BMP3: variants seen among roughly 807,000 people sequenced by gnomAD.
BMP3 encodes the protein bone morphogenetic protein 3 (osteogenic).
A neutral mutation model predicts 38.1 loss-of-function variants in BMP3; 23 were observed. The ratio of observed to expected loss-of-function variants is 0.60; its 90% CI spans 0.43 to 0.86. The LOEUF (loss-of-function observed/expected upper bound fraction) is 0.86, where lower values mean the gene tolerates loss of function less well. Among genes scored for constraint, BMP3 ranks in the 40% least tolerant of loss-of-function variants. The probability of loss-of-function intolerance (pLI) is 0.00; values close to 1 mark genes in which losing one functional copy is unlikely to be tolerated. For synonymous variants in BMP3, 258 were observed against 225.7 expected (o/e 1.14, Z -1.28); for missense variants, 628 against 579.6 (o/e 1.08, Z -0.86).
intron 1 of BMP3, among the ~76,000 whole-genome samples, chr4:81,033,054 T>G (rs1739821418): frequency 6.6e-6 from 1 of 152,164 alleles, no homozygotes. Context: ...GAGTAACTCA[T>G]GTGGGAGTTG....
At chr4:81,045,250 A>G (rs966037936) in intron 1 of BMP3, among the ~76,000 whole-genome samples, 1 of 152,088 alleles carries the variant, frequency 6.6e-6, no homozygotes, top group Admixed American at 6.5e-5. Flanking sequence ...GGCCATTTAT[A>G]TATCTTCTTT....
At chr4:81,031,733 C>A in intron 1 of BMP3, 133 bp downstream of exon 1, 1 of 1,098,320 alleles carries the variant, frequency 9.1e-7, no homozygotes, top group Non-Finnish European at 1.3e-6. Flanking sequence ...CTCAGCTGCC[C>A]TCTGGATTCC....
intron 2 of BMP3, among the ~76,000 whole-genome samples, chr4:81,050,389 A>G (rs1317942434): frequency 6.6e-6 from 1 of 152,204 alleles, no homozygotes; most frequent in Non-Finnish European, 1.5e-5. Flanking sequence ...AAAAATACCC[A>G]TACAGTTAAT....
Position 81,031,263 on chromosome 4 carries a change from C to A in BMP3, c.-22C>A. ...GTCCCGCAGCGACGCCGGGAGCCGA[C>A]GCGCCGCGCGGGTACCTAGCCATGG... On this transcript the variant is annotated 5_prime_UTR_variant, in exon 1 of 3. Coordinates refer to ENST00000282701, the MANE Select transcript of BMP3 (RefSeq NM_001201.5). The A allele has an allele frequency of 1.3e-6, 2 of 1,562,526 alleles. No homozygotes were observed. Among genetic ancestry groups the A allele is most frequent in the South Asian group, 2.4e-5 (2 of 82,456 alleles).
chr4:81,049,963 CAA>C (rs911959750), intron 2 of BMP3, among the ~76,000 whole-genome samples: 4 of 152,180 alleles, frequency 2.6e-5, no homozygotes, highest in African/African-American at 7.2e-5. Context: ...CCTCCTGAGC[CAA>C]AGAGTGTTCT....
chr4:81,046,700 G>C (rs763810901), intron 2 of BMP3, 52 bp downstream of exon 2: 1 of 1,533,766 alleles, frequency 6.5e-7, no homozygotes, highest in Non-Finnish European at 8.8e-7. Flanking sequence ...TTAGTAGAAA[G>C]ACACATTGAC....
rs1017463616 is a variant in BMP3, at chr4:81,046,379, C to T, written c.958C>T (p.Pro320Ser). Reference protein sequence around the residue: ...KKDEVWEERKPYKTLQAQAPE... With the variant: ...KKDEVWEERKSYKTLQAQAPE... ...GGATGAGGTGTGGGAGGAGAGAAAGCCTTACAAGACCCTTCAGGCTCAGGC... is the reference window on the plus strand; with the variant it reads ...GGATGAGGTGTGGGAGGAGAGAAAGTCTTACAAGACCCTTCAGGCTCAGGC... Residue 320 changes from proline (P) to serine (S), a missense_variant, in exon 2 of 3, where the codon CCT (proline) becomes TCT (serine). Coordinates refer to ENST00000282701, the MANE Select transcript of BMP3 (RefSeq NM_001201.5). 6 of 1,613,802 alleles carry T rather than the reference C, an allele frequency of 3.7e-6. No individual in the cohort carries two copies. In the Admixed American group the frequency reaches 5.0e-5, roughly 13 times the overall value.
intron 1 of BMP3, 90 bp downstream of exon 1, chr4:81,031,690 G>T: frequency 1.4e-6 from 2 of 1,415,022 alleles, no homozygotes; most frequent in South Asian, 1.5e-5. Context: ...CCCCTTGCTT[G>T]GTGGCGCTGC....
In BMP3 at chr4:81,046,232, C is replaced by T. The variant is rs967821582; in HGVS notation, c.811C>T (p.Pro271Ser). 5.0e-6 allele frequency: 8 copies of T among 1,614,056 alleles called. No homozygotes were observed. The South Asian group carries it at 7.7e-5, about 16-fold the overall frequency. The change falls in exon 2 of 3, where the codon CCC becomes TCC. Residue 271 changes from proline (P) to serine (S), a missense_variant. Physicochemically the swap from Pro to Ser is moderately conservative, Grantham distance 74. Coordinates refer to ENST00000282701, the MANE Select transcript of BMP3 (RefSeq NM_001201.5). ...GHRNFPTGTV[P>S]KWDSHIRAAL... ...CCGGAATTTTCCCACTGGAACTGTT[C>T]CCAAATGGGATAGCCACATCAGAGC...
Position 81,040,604 on chromosome 4 carries a change from T to TC in BMP3, c.317-5133dup, listed in dbSNP as rs907432344. ...CTCATATCATTGCTAAACTTTTTTT[T>TC]CTCCCTCCAGGCAATGTTTTCTTAT... is the stretch of plus-strand genomic sequence containing the variant. On this transcript the variant is annotated intron_variant, in intron 1 of 2. Coordinates refer to ENST00000282701, the MANE Select transcript of BMP3 (RefSeq NM_001201.5). Among the ~76,000 whole-genome samples, 57 of 152,318 alleles carry TC rather than the reference T, an allele frequency of 3.7e-4. 1 individual carries two copies. Among genetic ancestry groups the TC allele is most frequent in the African/African-American group, 1.2e-3 (50 of 41,562 alleles).
intron 1 of BMP3, among the ~76,000 whole-genome samples, chr4:81,042,277 A>G (rs1011096686): frequency 1.3e-5 from 2 of 152,320 alleles, no homozygotes; most frequent in Middle Eastern, 3.4e-3. Flanking sequence ...AAGTGGCTAC[A>G]TACTATCATA....
intron 2 of BMP3, among the ~76,000 whole-genome samples, chr4:81,051,368 T>C (rs1740396202): frequency 6.6e-6 from 1 of 152,180 alleles, no homozygotes; most frequent in South Asian, 2.1e-4. Flanking sequence ...GCCTAGATTA[T>C]ACTAGGTGCT....
At chr4:81,053,027 C>T (rs774591946) in intron 2 of BMP3, among the ~76,000 whole-genome samples, 1 of 152,118 alleles carries the variant, frequency 6.6e-6, no homozygotes, top group East Asian at 1.9e-4. Context: ...TTTAAATCCT[C>T]TACCATTTAC....
chr4:81,045,757 A>AGTTTCTTTTCTTT lies in BMP3; in HGVS notation c.336_337insGTTTCTTTTCTTT (p.Leu113ValfsTer17), dbSNP rs781125579. The AGTTTCTTTTCTTT allele has an allele frequency of 6.2e-7, 1 of 1,603,386 alleles. No individual in the cohort carries two copies. Among genetic ancestry groups the AGTTTCTTTTCTTT allele is most frequent in the African/African-American group, 1.3e-5 (1 of 74,394 alleles). Reference sequence around the variant, plus strand: ...TCCTAGAAACTCTTGAAAGAAAAGGACTGTATATCTTCAATCTGACATCGC... The same window carrying AGTTTCTTTTCTTT: ...TCCTAGAAACTCTTGAAAGAAAAGGAGTTTCTTTTCTTTCTGTATATCTTCAATCTGACATCGC... On this transcript the variant is annotated frameshift_variant, in exon 2 of 3. Transcript: ENST00000282701. LOFTEE classifies it high-confidence loss of function.
At position 81,056,263 on chromosome 4, in the gene BMP3, CCCA is replaced by C. The variant is rs1369440959; in HGVS notation, c.*2729_*2731del. ...GCATAATACTCTCTCTCTCTCTTCC[CCCA>C]CAAGTAATCTCTCTACCCCATGCAG... On this transcript the variant is annotated 3_prime_UTR_variant, in exon 3 of 3. Coordinates refer to ENST00000282701, the MANE Select transcript of BMP3 (RefSeq NM_001201.5). 2 of 151,980 alleles carry C rather than the reference CCCA, an allele frequency of 1.3e-5. No homozygotes were observed. Among genetic ancestry groups the C allele is most frequent in the Admixed American group, 6.6e-5 (1 of 15,228 alleles). The allele number at this position is 151,980 out of a possible 1,614,324, so 9.4% of individuals were successfully genotyped here.
intron 1 of BMP3, among the ~76,000 whole-genome samples, chr4:81,032,192 G>A (rs1197863745): frequency 1.8e-4 from 1 of 5,520 alleles, no homozygotes; most frequent in African/African-American, 3.6e-4. Flanking sequence ...GTTCCTTAGT[G>A]GCAAAAAAAA....
At position 81,056,315 on chromosome 4, in the gene BMP3, T is replaced by TCACA. The variant is rs1212527041; in HGVS notation, c.*2781_*2782insCACA. Reference sequence around the variant, plus strand: ...AGTGTGCACACACACACACACACAGTCAGTTACTGAAAAAAATAATTCTTT... The same window carrying TCACA: ...AGTGTGCACACACACACACACACAGTCACACAGTTACTGAAAAAAATAATTCTTT... On this transcript the variant is annotated 3_prime_UTR_variant, in exon 3 of 3. Coordinates refer to ENST00000282701, the MANE Select transcript of BMP3 (RefSeq NM_001201.5). 4.3e-5 allele frequency: 6 copies of TCACA among 139,108 alleles called. No individual in the cohort carries two copies. Among genetic ancestry groups the TCACA allele is most frequent in the African/African-American group, 1.1e-4 (4 of 35,934 alleles). 8.6% of individuals were successfully genotyped at this position (139,108 alleles called of 1,614,324 possible). A position where few individuals can be genotyped will look rare whatever the true frequency, so the allele number is the denominator to read the frequency against.
At chr4:81,038,577 G>T (rs1398329082) in intron 1 of BMP3, among the ~76,000 whole-genome samples, 2 of 152,120 alleles carry the variant, frequency 1.3e-5, no homozygotes, top group East Asian at 1.9e-4. Context: ...ATATTAAATG[G>T]CAATACTATT....
chr4:81,052,106 C>G (rs1390318), intron 2 of BMP3, among the ~76,000 whole-genome samples: 3 of 151,950 alleles, frequency 2.0e-5, no homozygotes, highest in African/African-American at 7.3e-5. Flanking sequence ...ATGCTGGGAG[C>G]TTTAGGAGTT....
Sources: allele counts gnomAD v4.1 joint callset (sites outside exome capture counted in the v4.1 genomes callset), GRCh38; gene constraint gnomAD v4.1.1; transcripts MANE v1.5; gene names NCBI Gene and HGNC (gene_info 2026-07-23, HGNC 2026-07-21).